The following ANKRD18B variants were observed in gnomAD, a reference collection of about 807,000 sequenced individuals.
ANKRD18B encodes the protein ankyrin repeat domain-containing protein 18B.
Under a neutral mutation model 111.8 loss-of-function variants are expected in ANKRD18B, and 75 were observed. The ratio of observed to expected loss-of-function variants is 0.67; its 90% confidence interval spans 0.56 to 0.81. The LOEUF is 0.81. Among genes scored for constraint, ANKRD18B ranks in the 40% least tolerant of loss-of-function variants. ANKRD18B has a pLI of 0.00. For synonymous variants in ANKRD18B, 356 were observed against 417.3 expected (o/e 0.85, Z 1.79); for missense variants, 1,038 against 1,225.5 (o/e 0.85, Z 2.28).
chr9:33,569,402 C>G (rs1304115848), intron 17 of ANKRD18B, among the ~76,000 whole-genome samples: 1 of 151,320 alleles, frequency 6.6e-6, no homozygotes, highest in Non-Finnish European at 1.5e-5. Context: ...GTAGCTGGGA[C>G]TACAGGTGCC....
chr9:33,573,027 C>G (rs1167241603), downstream of ANKRD18B: 3 of 471,972 alleles, frequency 6.4e-6, no homozygotes, highest in African/African-American at 6.1e-5. Context: ...TTCTGGTGCT[C>G]CAGTTCCCAA....
intron 13 of ANKRD18B, among the ~76,000 whole-genome samples, chr9:33,557,652 T>C (rs917650335): frequency 6.6e-6 from 1 of 152,076 alleles, no homozygotes; most frequent in Non-Finnish European, 1.5e-5. Context: ...CCAAGCATGG[T>C]GGCACATGCC....
intron 14 of ANKRD18B, among the ~76,000 whole-genome samples, chr9:33,564,659 C>G (rs1432914349): frequency 6.6e-6 from 1 of 152,136 alleles, no homozygotes; most frequent in African/African-American, 2.4e-5. Flanking sequence ...ACCTTCCCAC[C>G]AACAGCATGT....
At chr9:33,565,435 T>G (rs1256764435) in intron 14 of ANKRD18B, among the ~76,000 whole-genome samples, 1 of 152,158 alleles carries the variant, frequency 6.6e-6, no homozygotes, top group Admixed American at 6.6e-5. Flanking sequence ...GGGAAAGGCT[T>G]ATGGCATCAG....
chr9:33,532,161 G>A (rs1445977059), intron 3 of ANKRD18B, among the ~76,000 whole-genome samples: 1 of 152,020 alleles, frequency 6.6e-6, no homozygotes, highest in African/African-American at 2.4e-5. Context: ...ATGAACTCGG[G>A]AGGTGGAGCT....
chr9:33,566,362 G>A lies in ANKRD18B; in HGVS notation c.2604G>A (p.Met868Ile). Residue 868 changes from methionine to isoleucine, a missense_variant, in exon 15 of 19, where the codon ATG (methionine) becomes ATA (isoleucine). Transcript: ENST00000684830. ...KCEKLEKDKK[M>I]LEEKVLNLKT... ...AAAAACTTGAGAAGGATAAAAAGAT[G>A]TTGGAAGAAAAAGTATTAAATCTTA... 6.3e-7 allele frequency: 1 copy of A among 1,577,512 alleles called. No homozygotes were observed. Among genetic ancestry groups the A allele is most frequent in the Non-Finnish European group, 8.6e-7 (1 of 1,158,042 alleles).
intron 12 of ANKRD18B, among the ~76,000 whole-genome samples, chr9:33,554,957 G>A (rs1246363585): frequency 6.8e-6 from 1 of 148,124 alleles, no homozygotes; most frequent in South Asian, 2.2e-4. Context: ...CCAGATGTCT[G>A]TTACCTAGGT....
chr9:33,530,054 C>T (rs1394565562), intron 3 of ANKRD18B, among the ~76,000 whole-genome samples: 1 of 152,126 alleles, frequency 6.6e-6, no homozygotes, highest in Admixed American at 6.6e-5. Flanking sequence ...TATACCCACA[C>T]CCAGGAAAAT....
intron 17 of ANKRD18B, among the ~76,000 whole-genome samples, chr9:33,569,451 G>C (rs571694500): frequency 6.6e-6 from 1 of 151,846 alleles, no homozygotes; most frequent in African/African-American, 2.4e-5. Flanking sequence ...TTTTAGTAGA[G>C]ATAGGATTTC....
At chr9:33,533,225 T>G (rs182917578) in intron 3 of ANKRD18B, among the ~76,000 whole-genome samples, 2 of 152,274 alleles carry the variant, frequency 1.3e-5, no homozygotes, top group East Asian at 3.9e-4. Context: ...AAAGTGAGTT[T>G]TGGAGATGAC....
At chr9:33,527,479 G>A (rs34843229) in intron 1 of ANKRD18B, among the ~76,000 whole-genome samples, 37,869 of 151,774 alleles carry the variant, frequency 0.25, 4,786 homozygotes, top group Middle Eastern at 0.3. Flanking sequence ...CTGCCACCAC[G>A]CCCAGCTAAT....
Position 33,572,331 on chromosome 9 carries a change from G to A in ANKRD18B, c.3239G>A (p.Gly1080Asp). 2 of 1,611,116 alleles carry A rather than the reference G, an allele frequency of 1.2e-6. No homozygotes were observed. The highest frequency in any genetic ancestry group is 1.7e-6 in the Non-Finnish European group (2 of 1,178,386). ...TTCTTTCCAGCTTTTGCTGCGTTGG[G>A]CCCTTGCTCCTATCTACTTTCTTCT... ...TETKKTFAAL[G>D]PCSYLLSSLE... Residue 1080 changes from glycine to aspartate, a missense_variant, in exon 19 of 19, where the codon GGC becomes GAC. Physicochemically the swap from Gly to Asp is moderately conservative, Grantham distance 94. Transcript: ENST00000684830.
chr9:33,558,940 A>G (rs1381059224), intron 14 of ANKRD18B, among the ~76,000 whole-genome samples: 1 of 152,154 alleles, frequency 6.6e-6, no homozygotes, highest in Admixed American at 6.5e-5. Context: ...TCATAAATCA[A>G]TATGAGGAAG....
intron 10 of ANKRD18B, among the ~76,000 whole-genome samples, chr9:33,545,520 A>G (rs2118045319): frequency 6.6e-6 from 1 of 152,360 alleles, no homozygotes; most frequent in Non-Finnish European, 1.5e-5. Context: ...CTTGTTCCAC[A>G]AGCCATATGG....
chr9:33,555,671 G>A, intron 12 of ANKRD18B, 37 bp from the exon 13 acceptor site: 2 of 1,267,858 alleles, frequency 1.6e-6, no homozygotes, highest in Admixed American at 7.4e-5. Flanking sequence ...AGGGTCTCTA[G>A]ATTTTACAAA....
intron 10 of ANKRD18B, among the ~76,000 whole-genome samples, chr9:33,544,071 C>T (rs1348677071): frequency 6.6e-6 from 1 of 152,082 alleles, no homozygotes; most frequent in Non-Finnish European, 1.5e-5. Flanking sequence ...TATGAATTCA[C>T]TGTAGGGGTT....
rs1324112983 is a variant in ANKRD18B at position 33,572,703 on chromosome 9, G to A, written c.*269G>A. The A allele has an allele frequency of 9.4e-7, 1 of 1,061,514 alleles. No individual in the cohort carries two copies. The highest frequency in any genetic ancestry group is 7.2e-5 in the East Asian group (1 of 13,878). 65.8% of individuals were successfully genotyped at this position (1,061,514 alleles called of 1,614,324 possible). A position where few individuals can be genotyped will look rare whatever the true frequency, so the allele number is the denominator to read the frequency against. On this transcript the variant is annotated 3_prime_UTR_variant, in exon 19 of 19. Transcript: ENST00000684830. ...CAACCAAGTCATCATTGATACTGTA[G>A]TAAAGGTCATCTTTGCATTTTACAC...
chr9:33,573,545 G>T (rs1300714549), downstream of ANKRD18B, among the ~76,000 whole-genome samples: 5 of 144,984 alleles, frequency 3.4e-5, no homozygotes, highest in African/African-American at 9.7e-5. Flanking sequence ...CCACCTCATT[G>T]TCTCCTTTCA....
chr9:33,549,440 C>T (rs144249671), intron 11 of ANKRD18B, among the ~76,000 whole-genome samples: 3 of 152,148 alleles, frequency 2.0e-5, no homozygotes, highest in East Asian at 1.9e-4. Flanking sequence ...AGAAATGTAA[C>T]GTCTTTATGT....
Sources: gnomAD v4.1 joint callset for allele counts (sites outside exome capture counted in the v4.1 genomes callset) on GRCh38, gnomAD v4.1.1 for gene constraint, MANE v1.5 for transcripts, NCBI Gene and HGNC (gene_info 2026-07-23, HGNC 2026-07-21) for gene names.